PRKCG: variants seen among roughly 807,000 people sequenced by gnomAD.
The protein encoded by PRKCG is protein kinase C gamma type.
In PRKCG, 28 loss-of-function variants were observed where a neutral mutation model predicts 82.0. The observed-to-expected ratio is 0.34, with a 90% CI of 0.25 to 0.47. The LOEUF is 0.47. Ranked by LOEUF, PRKCG falls within the 20% of genes least tolerant of loss-of-function variation. The pLI is 1.00. For synonymous variants in PRKCG, 383 were observed against 376.6 expected, an observed-to-expected ratio of 1.02 and a Z score of -0.20; for missense variants, 640 against 952.7, an observed-to-expected ratio of 0.67 and a Z score of 4.32.
chr19:53,883,527 C>G lies in PRKCG; in HGVS notation c.202+333C>G, dbSNP rs369246582. Among the ~76,000 whole-genome samples, 2 of 151,988 alleles carry G rather than the reference C, an allele frequency of 1.3e-5. No individual in the cohort carries two copies. The highest frequency in any genetic ancestry group is 1.3e-4 in the Admixed American group (2 of 15,268). The stretch of plus-strand genomic sequence containing the variant: ...TGGAGATGCAAAGTCAGAGCCCCCC[C>G]CCACCCCAGGCTGCCGTCGCCATGA... On this transcript the variant is annotated intron_variant, in intron 2 of 17. Transcript: ENST00000263431. The surrounding 1 kb of genome is among the most constrained non-coding windows in gnomAD (Gnocchi z 5.4).
chr19:53,896,416 ATTATTATG>A (rs1425090129), intron 9 of PRKCG, among the ~76,000 whole-genome samples: 2 of 125,764 alleles, frequency 1.6e-5, no homozygotes, highest in Non-Finnish European at 3.5e-5. Context: ...TATTATTATT[ATTATTATG>A]TATTTATCTA....
In PRKCG at chr19:53,900,898, C is replaced by G; in HGVS notation, c.1575+149C>G. On this transcript the variant is annotated intron_variant, in intron 14 of 17. Coordinates refer to ENST00000263431, the MANE Select transcript of PRKCG (RefSeq NM_002739.5). This position sits in a 1 kb window ranked among gnomAD's most constrained non-coding sequence, Gnocchi z 4.2. ...CACAGCCAGTCGTTCCTCCAGCCTC[C>G]AGCACAGGTGAGCTTGGCACTGAGC... 7 of 1,405,750 alleles carry G rather than the reference C, an allele frequency of 5.0e-6. No individual in the cohort carries two copies. The highest frequency in any genetic ancestry group is 6.9e-6 in the Non-Finnish European group (7 of 1,008,356). 87.1% of individuals were successfully genotyped at this position (1,405,750 alleles called of 1,614,324 possible).
Position 53,897,994 on chromosome 19 carries a change from C to T in PRKCG, c.975C>T (p.Pro325=). Residue 325 remains proline (P), a synonymous_variant, in exon 10 of 18, where the codon CCC becomes CCT. Transcript: ENST00000263431. ...TGGGCCCCTCTTCCTCTCCCATCCC[C>T]TCCCCTTCCCCTAGTCCCACCGACC... ...VRMGPSSSPI[P]SPSPSPTDPK... The T allele has an allele frequency of 6.2e-7, 1 of 1,614,156 alleles. No individual in the cohort carries two copies.
chr19:53,891,217 C>G (rs1270349563), intron 5 of PRKCG, among the ~76,000 whole-genome samples: 1 of 151,754 alleles, frequency 6.6e-6, no homozygotes, highest in Non-Finnish European at 1.5e-5. Flanking sequence ...GCTCTATGCC[C>G]TGTCTTCTGG....
In PRKCG at chr19:53,900,380, CACT is replaced by C; in HGVS notation, c.1374-38_1374-36del. 2 of 1,613,996 alleles carry C rather than the reference CACT, an allele frequency of 1.2e-6. No individual in the cohort carries two copies. Among genetic ancestry groups the C allele is most frequent in the Non-Finnish European group, 1.7e-6 (2 of 1,179,902 alleles). Reference sequence around the variant, plus strand: ...GTGGTGGAAGGGGGCAGGATCCAGCCACTGACCTTCTGACGTCCCCACCCACCC... The same window carrying C: ...GTGGTGGAAGGGGGCAGGATCCAGCCGACCTTCTGACGTCCCCACCCACCC... On this transcript the variant is annotated intron_variant, in intron 12 of 17. Transcript: ENST00000263431. The surrounding 1 kb of genome is among the most constrained non-coding windows in gnomAD (Gnocchi z 4.2).
chr19:53,894,409 C>T (rs1203453703), intron 9 of PRKCG, among the ~76,000 whole-genome samples: 2 of 151,898 alleles, frequency 1.3e-5, no homozygotes, highest in East Asian at 3.9e-4. Flanking sequence ...TCATCTTAAT[C>T]TCTCCATTCA....
chr19:53,890,025 C>A lies in PRKCG; in HGVS notation c.529+8C>A. On this transcript the variant is annotated splice_region_variant and intron_variant, in intron 5 of 17. Coordinates refer to ENST00000263431, the MANE Select transcript of PRKCG (RefSeq NM_002739.5). The stretch of plus-strand genomic sequence containing the variant: ...ATGAGATCCACGTAACTGGTGAGGC[C>A]CCGCCCCCTCGCCTGGCCCCGCCCC... 1 of 1,554,114 alleles carries A rather than the reference C, an allele frequency of 6.4e-7. No homozygotes were observed. Among genetic ancestry groups the A allele is most frequent in the Non-Finnish European group, 8.7e-7 (1 of 1,152,082 alleles).
rs2068603869 is a variant in PRKCG at position 53,882,919 on chromosome 19, C to CT, written c.171-243dup. ...GTCTTGGGTCTGAGGGAGGAAGGGC[C>CT]TGGGGGGCTGGGAGCCTGGATTCCT... is the stretch of plus-strand genomic sequence containing the variant. On this transcript the variant is annotated intron_variant, in intron 1 of 17. Coordinates refer to ENST00000263431, the MANE Select transcript of PRKCG (RefSeq NM_002739.5). The surrounding 1 kb of genome is among the most constrained non-coding windows in gnomAD (Gnocchi z 6.1). Among the ~76,000 whole-genome samples, 2 of 151,228 alleles carry CT rather than the reference C, an allele frequency of 1.3e-5. No individual in the cohort carries two copies. The highest frequency in any genetic ancestry group is 6.6e-5 in the Admixed American group (1 of 15,172).
chr19:53,906,693 C>A lies in PRKCG; in HGVS notation c.1906-14C>A, dbSNP rs778288045. ...CGGAGCTGCTTAACTTTCCCTCCCC[C>A]ACGTCTCCCACAGTGTGGCCGCAGC... On this transcript the variant is annotated splice_polypyrimidine_tract_variant and intron_variant, in intron 17 of 17. Transcript: ENST00000263431. 3.1e-6 allele frequency: 5 copies of A among 1,612,156 alleles called. No individual in the cohort carries two copies. In the East Asian group the frequency reaches 6.7e-5, roughly 22 times the overall value.
chr19:53,889,631 C>T lies in PRKCG; in HGVS notation c.286-7C>T. 6.2e-7 allele frequency: 1 copy of T among 1,612,770 alleles called. No homozygotes were observed. The highest frequency in any genetic ancestry group is 1.3e-5 in the African/African-American group (1 of 74,998). Reference sequence around the variant, plus strand: ...ACGCCCCCTAAGCCAGTCTTCTCTGCCCCCAGGACCCCCGGAACAAACACA... The same window carrying T: ...ACGCCCCCTAAGCCAGTCTTCTCTGTCCCCAGGACCCCCGGAACAAACACA... On this transcript the variant is annotated splice_polypyrimidine_tract_variant and splice_region_variant and intron_variant, in intron 3 of 17. Transcript: ENST00000263431. The surrounding 1 kb of genome is among the most constrained non-coding windows in gnomAD (Gnocchi z 4.4).
chr19:53,897,007 G>T (rs901889038), intron 9 of PRKCG, among the ~76,000 whole-genome samples: 1 of 151,942 alleles, frequency 6.6e-6, no homozygotes, highest in Non-Finnish European at 1.5e-5. Context: ...AAGGGGAGGG[G>T]AGAGCTTTAC....
At chr19:53,887,125 G>A (rs1294262755) in intron 3 of PRKCG, among the ~76,000 whole-genome samples, 1 of 151,980 alleles carries the variant, frequency 6.6e-6, no homozygotes, top group African/African-American at 2.4e-5. Flanking sequence ...AGGCTGGAGT[G>A]CAATAGTGCT....
At position 53,892,560 on chromosome 19, in the gene PRKCG, C is replaced by T. The variant is rs910102622; in HGVS notation, c.738C>T (p.Asp246=). The T allele has an allele frequency of 6.2e-7, 1 of 1,613,456 alleles. No homozygotes were observed. The change falls in exon 7 of 18, where the codon GAC becomes GAT. Residue 246 remains aspartate (D), a synonymous_variant. Transcript: ENST00000263431. This position sits in a 1 kb window ranked among gnomAD's most constrained non-coding sequence, Gnocchi z 5.9. ...VERRLSVEVW[D]WDRTSRNDFM... is the part of the protein sequence containing the mutation. ...GCCGGCTCAGCGTGGAGGTGTGGGA[C>T]TGGGACCGGACCTCCCGCAACGACT...
chr19:53,898,783 G>A (rs1452645760), intron 11 of PRKCG, among the ~76,000 whole-genome samples, 155 bp downstream of exon 11: 2 of 7,172 alleles, frequency 2.8e-4, no homozygotes, highest in South Asian at 5.5e-3. Flanking sequence ...GGGCGTGGCC[G>A]GGGGGGGGTC....
chr19:53,882,526 C>T lies in PRKCG; in HGVS notation c.32C>T (p.Ser11Leu). The T allele has an allele frequency of 6.2e-7, 1 of 1,614,118 alleles. No homozygotes were observed. The highest frequency in any genetic ancestry group is 8.5e-7 in the Non-Finnish European group (1 of 1,180,004). Residue 11 changes from serine (S) to leucine (L), a missense_variant, in exon 1 of 18, where the codon TCA becomes TTA. Physicochemically the swap from Ser to Leu is moderately radical, Grantham distance 145 (BLOSUM62 -2). Transcript: ENST00000263431. This position sits in a 1 kb window ranked among gnomAD's most constrained non-coding sequence, Gnocchi z 6.1. ...GGTCTGGGCCCCGGCGTAGGCGATTCAGAGGGGGGACCCCGGCCCCTGTTT... is the reference window on the plus strand; with the variant it reads ...GGTCTGGGCCCCGGCGTAGGCGATTTAGAGGGGGGACCCCGGCCCCTGTTT... MAGLGPGVGD[S>L]EGGPRPLFCR...
At chr19:53,906,084 C>CTTCTTCTTCTTCTTCTT (rs1555808689) in intron 16 of PRKCG, among the ~76,000 whole-genome samples, 4 of 27,984 alleles carry the variant, frequency 1.4e-4, no homozygotes, top group Admixed American at 3.8e-4. Context: ...TCCTCCTCCT[C>CTTCTTCTTCTTCTTCTT]CTTCTTCTTC....
At chr19:53,890,116 G>A in intron 5 of PRKCG, 99 bp downstream of exon 5, 2 of 1,297,886 alleles carry the variant, frequency 1.5e-6, no homozygotes, top group Non-Finnish European at 2.1e-6. Flanking sequence ...CCCAAAGATG[G>A]GGCCACGCCT....
intron 15 of PRKCG, among the ~76,000 whole-genome samples, chr19:53,903,610 G>A (rs547798554): frequency 2.6e-5 from 4 of 152,234 alleles, no homozygotes; most frequent in Admixed American, 2.6e-4. Flanking sequence ...GGCTATGGTA[G>A]TGGGCACCTA....
chr19:53,884,851 C>T lies in PRKCG; in HGVS notation c.285+608C>T, dbSNP rs2068620166. Reference sequence around the variant, plus strand: ...ATGCTGAGAGGAGACCCAGGGAAGTCCCACAGTACACTTGCACACATGTGC... The same window carrying T: ...ATGCTGAGAGGAGACCCAGGGAAGTTCCACAGTACACTTGCACACATGTGC... On this transcript the variant is annotated intron_variant, in intron 3 of 17. Transcript: ENST00000263431. The surrounding 1 kb of genome is among the most constrained non-coding windows in gnomAD (Gnocchi z 4.6). Among the ~76,000 whole-genome samples, 1 of 152,212 alleles carries T rather than the reference C, an allele frequency of 6.6e-6. No homozygotes were observed. Among genetic ancestry groups the T allele is most frequent in the Non-Finnish European group, 1.5e-5 (1 of 68,044 alleles).
Sources: allele counts gnomAD v4.1 joint callset (sites outside exome capture counted in the v4.1 genomes callset), GRCh38; gene constraint gnomAD v4.1.1; non-coding constraint Gnocchi (gnomAD v3.1); transcripts MANE v1.5; gene names NCBI Gene and HGNC (gene_info 2026-07-23, HGNC 2026-07-21).